Variants in COG6 observed in about 807,000 individuals in gnomAD.
The protein encoded by COG6 is component of oligomeric golgi complex 6.
In COG6, 74 loss-of-function variants were observed where a neutral mutation model predicts 88.8. The observed-to-expected ratio is 0.83, with a 90% CI of 0.69 to 1.01. The LOEUF is 1.01. Ranked by LOEUF, COG6 falls within the 50% of genes least tolerant of loss-of-function variation. COG6 has a pLI of 0.00. For synonymous variants in COG6, 286 were observed against 278.7 expected (o/e 1.03, Z -0.26); for missense variants, 800 against 797.9 (o/e 1.00, Z -0.03).
At chr13:39,742,028 A>C (rs545457969) in intron 18 of COG6, among the ~76,000 whole-genome samples, 6 of 152,314 alleles carry the variant, frequency 3.9e-5, no homozygotes, top group African/African-American at 1.4e-4. Flanking sequence ...AGGAGAAATA[A>C]AATCCTTTAC....
rs1875188975 is a variant in COG6 at position 39,665,424 on chromosome 13, C to A, written c.428+270C>A. On this transcript the variant is annotated intron_variant, in intron 4 of 18. Coordinates refer to ENST00000455146, the MANE Select transcript of COG6 (RefSeq NM_020751.3). ...TTTGCTGTGGAGTTCAGAAATGATG[C>A]TTTTTAAAATGTAAATGTTTTCAGA... Among the ~76,000 whole-genome samples, 5 of 152,128 alleles carry A rather than the reference C, an allele frequency of 3.3e-5. No individual in the cohort carries two copies. In the Middle Eastern group the frequency reaches 0.014, roughly 414 times the overall value.
At chr13:39,775,773 T>G (rs1005497392) in intron 18 of COG6, among the ~76,000 whole-genome samples, 2 of 151,798 alleles carry the variant, frequency 1.3e-5, no homozygotes, top group Non-Finnish European at 2.9e-5. Context: ...ATCTGAAATT[T>G]TTTTTTTTTT....
intron 10 of COG6, among the ~76,000 whole-genome samples, chr13:39,688,414 T>G (rs1476579721): frequency 2.6e-5 from 4 of 152,062 alleles, no homozygotes; most frequent in Non-Finnish European, 5.9e-5. Context: ...GGTGAAGGCC[T>G]CAGGAAGCAT....
intron 18 of COG6, among the ~76,000 whole-genome samples, chr13:39,740,838 G>A (rs775152685): frequency 3.9e-5 from 6 of 152,062 alleles, no homozygotes; most frequent in South Asian, 2.1e-4. Context: ...GGATATTATC[G>A]TCTTTTCTTC....
In COG6 at chr13:39,659,451, C is replaced by T. The variant is rs753029623; in HGVS notation, c.241C>T (p.Arg81Cys). 4 of 1,613,164 alleles carry T rather than the reference C, an allele frequency of 2.5e-6. No individual in the cohort carries two copies. The highest frequency in any genetic ancestry group is 2.7e-5 in the African/African-American group (2 of 74,818). The change falls in exon 2 of 19, where the codon CGT becomes TGT. Residue 81 changes from arginine (R) to cysteine (C), a missense_variant. Coordinates refer to ENST00000455146, the MANE Select transcript of COG6 (RefSeq NM_020751.3). ...TRRNLRGDIE[R>C]KSLAINEEFV... Reference sequence around the variant, plus strand: ...AAGAAATTTACGTGGAGATATTGAACGTAAAAGTTTAGCCATCAATGAAGA... The same window carrying T: ...AAGAAATTTACGTGGAGATATTGAATGTAAAAGTTTAGCCATCAATGAAGA...
At chr13:39,745,582 G>T (rs886624701) in intron 18 of COG6, among the ~76,000 whole-genome samples, 2 of 152,172 alleles carry the variant, frequency 1.3e-5, no homozygotes, top group African/African-American at 4.8e-5. Context: ...AAAAAGTCAG[G>T]AAACAACGGA....
At chr13:39,672,377 T>C (rs1875703861) in intron 4 of COG6, among the ~76,000 whole-genome samples, 2 of 152,006 alleles carry the variant, frequency 1.3e-5, no homozygotes, top group Admixed American at 1.3e-4. Flanking sequence ...TGATCTGAAT[T>C]ACAACATTTT....
chr13:39,675,226 A>G (rs1875899239), intron 4 of COG6, among the ~76,000 whole-genome samples: 1 of 152,126 alleles, frequency 6.6e-6, no homozygotes, highest in Non-Finnish European at 1.5e-5. Flanking sequence ...TAAAAGTTCC[A>G]TATGTTGATG....
At chr13:39,689,853 T>C in intron 11 of COG6, 29 bp downstream of exon 11, 1 of 1,347,964 alleles carries the variant, frequency 7.4e-7, no homozygotes, top group Non-Finnish European at 1.1e-6. Context: ...ACATATGCTA[T>C]ATGGTACCTG....
At chr13:39,729,348 G>C (rs893213162) in intron 18 of COG6, among the ~76,000 whole-genome samples, 7 of 152,178 alleles carry the variant, frequency 4.6e-5, no homozygotes, top group Middle Eastern at 3.2e-3. Context: ...ACCAGTCCCT[G>C]CTGCCAAAAC....
chr13:39,768,548 C>T (rs2138173826), intron 18 of COG6, among the ~76,000 whole-genome samples: 1 of 152,288 alleles, frequency 6.6e-6, no homozygotes, highest in African/African-American at 2.4e-5. Context: ...ATAATCATAG[C>T]CATGCCCTTA....
chr13:39,766,034 T>A (rs987824109), intron 18 of COG6, among the ~76,000 whole-genome samples: 23 of 152,358 alleles, frequency 1.5e-4, no homozygotes, highest in African/African-American at 5.5e-4. Flanking sequence ...TCCTGATAAC[T>A]GTGCCAGCCT....
intron 1 of COG6, among the ~76,000 whole-genome samples, chr13:39,657,881 A>G (rs1005223069): frequency 1.3e-5 from 2 of 152,158 alleles, no homozygotes; most frequent in Non-Finnish European, 2.9e-5. Flanking sequence ...ACATCTACTG[A>G]GCTCCAGATT....
intron 18 of COG6, among the ~76,000 whole-genome samples, chr13:39,775,111 G>A (rs543408720): frequency 1.2e-4 from 19 of 152,280 alleles, no homozygotes; most frequent in African/African-American, 4.6e-4. Flanking sequence ...AGGCCGTCAG[G>A]CATCATGGGT....
chr13:39,656,604 A>G (rs1216209061), intron 1 of COG6, among the ~76,000 whole-genome samples: 1 of 152,086 alleles, frequency 6.6e-6, no homozygotes, highest in Non-Finnish European at 1.5e-5. Flanking sequence ...GTGTAACATA[A>G]AGAAGAACAT....
At chr13:39,688,844 G>C (rs577995705) in intron 10 of COG6, among the ~76,000 whole-genome samples, 36 of 152,260 alleles carry the variant, frequency 2.4e-4, no homozygotes, top group Non-Finnish European at 4.4e-4. Context: ...TGATTTTAAA[G>C]TGTTCTATTT....
chr13:39,789,096 C>G (rs1305143314), exon 19 of COG6: 5 of 152,182 alleles, frequency 3.3e-5, no homozygotes, highest in Non-Finnish European at 5.9e-5. Flanking sequence ...ATTTCCAATT[C>G]CCCTGCATAC....
chr13:39,713,754 A>G (rs572259488), intron 13 of COG6, among the ~76,000 whole-genome samples: 1 of 152,266 alleles, frequency 6.6e-6, no homozygotes, highest in East Asian at 1.9e-4. Flanking sequence ...AGAAAAAGAA[A>G]TATAGACTTG....
At chr13:39,725,851 T>C (rs1183657384) in intron 17 of COG6, among the ~76,000 whole-genome samples, 1 of 151,916 alleles carries the variant, frequency 6.6e-6, no homozygotes, top group Non-Finnish European at 1.5e-5. Context: ...CAATTCCACT[T>C]CAAGATATTT....
Sources: gnomAD v4.1 joint callset for allele counts (sites outside exome capture counted in the v4.1 genomes callset) on GRCh38, gnomAD v4.1.1 for gene constraint, MANE v1.5 for transcripts, NCBI Gene and HGNC (gene_info 2026-07-23, HGNC 2026-07-21) for gene names.